ZNF536: variants seen among roughly 807,000 people sequenced by gnomAD.
ZNF536 encodes the protein zinc finger protein 536.
Under a neutral mutation model 84.5 loss-of-function variants are expected in ZNF536, and 13 were observed. The ratio of observed to expected loss-of-function variants is 0.15; its 90% CI spans 0.10 to 0.24. ZNF536 has a LOEUF of 0.24. Among genes scored for constraint, ZNF536 ranks in the 10% least tolerant of loss-of-function variants. ZNF536 has a pLI of 1.00. For missense variants in ZNF536, 1,536 were observed against 1,747.5 expected (o/e 0.88, Z 2.16); for synonymous variants, 811 against 742.5 (o/e 1.09, Z -1.50).
chr19:30,435,524 TG>T (rs1266873958), intron 1 of ZNF536, among the ~76,000 whole-genome samples: 2 of 151,748 alleles, frequency 1.3e-5, no homozygotes, highest in Non-Finnish European at 2.9e-5. Context: ...ATGGTGATGA[TG>T]ATGGTGATAG....
downstream of ZNF536, among the ~76,000 whole-genome samples, chr19:30,559,782 G>T (rs887574347): frequency 2.0e-5 from 3 of 152,268 alleles, 1 homozygote; most frequent in South Asian, 4.2e-4. Flanking sequence ...CCCTGGAGCC[G>T]TGTATTCAGG....
rs527399752 is a variant in ZNF536, at chr19:30,437,704, G to C, written c.-2-5857G>C. 2.0e-5 allele frequency among the ~76,000 whole-genome samples: 3 copies of C among 152,214 alleles called. No homozygotes were observed. The South Asian group carries it at 6.2e-4, about 32-fold the overall frequency. On this transcript the variant is annotated intron_variant, in intron 1 of 4. Coordinates refer to ENST00000355537, the MANE Select transcript of ZNF536 (RefSeq NM_014717.3). ...CTGTGCTCAGAAAAGGTCAGGACTG[G>C]GGGGGAATGTTGCCATGTTTCTACA...
Position 30,379,291 on chromosome 19 carries a change from C to A in ZNF536, c.-3+6735C>A, listed in dbSNP as rs140559015. On this transcript the variant is annotated intron_variant, in intron 1 of 4. Coordinates refer to ENST00000355537, the MANE Select transcript of ZNF536 (RefSeq NM_014717.3). Reference sequence around the variant, plus strand: ...GAATGGCCTCTGTGTTGGGAGCTCCCGGTGAGGATAAGAAAGAGAAGCCAG... The same window carrying A: ...GAATGGCCTCTGTGTTGGGAGCTCCAGGTGAGGATAAGAAAGAGAAGCCAG... 1.7e-3 allele frequency among the ~76,000 whole-genome samples: 262 copies of A among 152,122 alleles called. 1 individual carries two copies. Among genetic ancestry groups the A allele is most frequent in the African/African-American group, 6.0e-3 (248 of 41,498 alleles).
At chr19:30,324,435 T>G (rs372863386) in intron 2 of ZNF536, among the ~76,000 whole-genome samples, 58 of 152,304 alleles carry the variant, frequency 3.8e-4, no homozygotes, top group African/African-American at 1.3e-3. Context: ...CAGGCTGGAG[T>G]GCACTGGCAC....
chr19:30,264,623 CT>C (rs1295803176), intron 1 of ZNF536, among the ~76,000 whole-genome samples: 4 of 151,868 alleles, frequency 2.6e-5, no homozygotes, highest in Admixed American at 6.6e-5. Flanking sequence ...ATTTTAAAAC[CT>C]TTCTCCCACT....
At chr19:30,334,667 G>T (rs1204088668) in intron 2 of ZNF536, among the ~76,000 whole-genome samples, 1 of 152,174 alleles carries the variant, frequency 6.6e-6, no homozygotes, top group African/African-American at 2.4e-5. Flanking sequence ...GACACGGTGG[G>T]TTGATCATGG....
chr19:30,685,702 A>G (rs2051150210), intron 1 of ZNF536, among the ~76,000 whole-genome samples: 1 of 152,180 alleles, frequency 6.6e-6, no homozygotes, highest in Non-Finnish European at 1.5e-5. Flanking sequence ...ACTGTATATT[A>G]AAGAAATGGC....
intron 1 of ZNF536, among the ~76,000 whole-genome samples, chr19:30,620,530 T>C (rs1341311402): frequency 1.3e-5 from 2 of 152,136 alleles, no homozygotes; most frequent in Non-Finnish European, 2.9e-5. Flanking sequence ...CTTTTCCTCC[T>C]GCCATCCAGG....
At chr19:30,261,776 GT>G (rs1823211360) in intron 1 of ZNF536, among the ~76,000 whole-genome samples, 1 of 151,984 alleles carries the variant, frequency 6.6e-6, no homozygotes, top group African/African-American at 2.4e-5. Context: ...GTAAATAAAG[GT>G]CTGGATGGCA....
At chr19:30,598,838 C>T (rs907911741) in intron 1 of ZNF536, among the ~76,000 whole-genome samples, 4 of 151,814 alleles carry the variant, frequency 2.6e-5, no homozygotes, top group African/African-American at 9.7e-5. Context: ...GGAAAAATTT[C>T]TTCTCTCTTT....
intron 2 of ZNF536, among the ~76,000 whole-genome samples, chr19:30,477,517 T>TCC (rs928347798): frequency 6.6e-6 from 1 of 152,216 alleles, no homozygotes; most frequent in Non-Finnish European, 1.5e-5. Flanking sequence ...CAAATGAATC[T>TCC]CCCTTTAAGC....
At chr19:30,485,149 C>CATAA (rs199876994) in intron 2 of ZNF536, among the ~76,000 whole-genome samples, 5,160 of 146,328 alleles carry the variant, frequency 0.035, 211 homozygotes, top group African/African-American at 0.1. Flanking sequence ...GTCTCAAAAA[C>CATAA]ATAAATAAAT....
At chr19:30,443,043 G>GTT (rs199802157) in intron 1 of ZNF536, among the ~76,000 whole-genome samples, 12 of 135,514 alleles carry the variant, frequency 8.9e-5, no homozygotes, top group South Asian at 7.1e-4. Context: ...TTTTTTGTTT[G>GTT]TTTTTTTTTT....
Position 30,518,579 on chromosome 19 carries a change from C to G in ZNF536, c.2171-16268C>G, listed in dbSNP as rs542651459. On this transcript the variant is annotated intron_variant, in intron 2 of 4. Coordinates refer to ENST00000355537, the MANE Select transcript of ZNF536 (RefSeq NM_014717.3). The stretch of plus-strand genomic sequence containing the variant: ...CAATTATAGGATAGAAATTAGCATC[C>G]CAGGATGATGTGCGTGTGTACGCAG... Among the ~76,000 whole-genome samples, 24 of 152,280 alleles carry G rather than the reference C, an allele frequency of 1.6e-4. No individual in the cohort carries two copies. In the South Asian group the frequency reaches 5.0e-3, roughly 32 times the overall value.
At chr19:30,708,630 T>C (rs950738731) in intron 1 of ZNF536, among the ~76,000 whole-genome samples, 39 of 152,206 alleles carry the variant, frequency 2.6e-4, no homozygotes, top group African/African-American at 9.4e-4. Flanking sequence ...GACCTGGTTC[T>C]GAAGTCAGCA....
chr19:30,649,182 G>A (rs2049600954), intron 1 of ZNF536, among the ~76,000 whole-genome samples: 1 of 152,148 alleles, frequency 6.6e-6, no homozygotes, highest in Non-Finnish European at 1.5e-5. Context: ...TGGACTTGGT[G>A]AGCAAAAAGT....
chr19:30,483,720 G>A (rs761253972), intron 2 of ZNF536, among the ~76,000 whole-genome samples: 38 of 151,986 alleles, frequency 2.5e-4, no homozygotes, highest in Non-Finnish European at 3.8e-4. Context: ...CCAGATCTCT[G>A]GAAGGATCTA....
At chr19:30,446,941 A>G (rs1164786071) in intron 2 of ZNF536, among the ~76,000 whole-genome samples, 3 of 152,212 alleles carry the variant, frequency 2.0e-5, no homozygotes, top group African/African-American at 7.2e-5. Context: ...AATGGATAGT[A>G]AATTGAAAGT....
chr19:30,530,322 CTCTG>C (rs1190016920), intron 2 of ZNF536, among the ~76,000 whole-genome samples: 6 of 140,654 alleles, frequency 4.3e-5, no homozygotes, highest in African/African-American at 1.3e-4. Flanking sequence ...ATACCTCTCT[CTCTG>C]TCTTTTTGTT....
Sources: gnomAD v4.1 joint callset for allele counts (sites outside exome capture counted in the v4.1 genomes callset) on GRCh38, gnomAD v4.1.1 for gene constraint, MANE v1.5 for transcripts, NCBI Gene and HGNC (gene_info 2026-07-23, HGNC 2026-07-21) for gene names.